Variants in TUSC3 observed in about 807,000 individuals in gnomAD.
TUSC3 encodes the protein tumor suppressor candidate 3.
In TUSC3, 45 loss-of-function variants were observed where a neutral mutation model predicts 44.8. That is an observed-to-expected ratio of 1.00 (90% CI 0.79 to 1.29). The LOEUF is 1.29. TUSC3 is among the 50% of genes most tolerant of loss of function. The probability of loss-of-function intolerance (pLI) is 0.00; values close to 1 mark genes in which losing one functional copy is unlikely to be tolerated. For synonymous variants in TUSC3, 212 were observed against 152.9 expected (o/e 1.39, Z -2.85); for missense variants, 519 against 437.9 (o/e 1.19, Z -1.65).
intron 1 of TUSC3, among the ~76,000 whole-genome samples, chr8:15,465,512 C>T (rs956035965): frequency 3.3e-5 from 5 of 152,090 alleles, no homozygotes; most frequent in South Asian, 2.1e-4. Context: ...TTAAAAAATG[C>T]AAATTGATTT....
At chr8:15,724,912 T>C (rs1810444540) in intron 6 of TUSC3, among the ~76,000 whole-genome samples, 3 of 152,270 alleles carry the variant, frequency 2.0e-5, no homozygotes, top group South Asian at 2.1e-4. Context: ...GACAAGCTCT[T>C]GGTTTATTTT....
intron 1 of TUSC3, among the ~76,000 whole-genome samples, chr8:15,584,379 C>A (rs776537654): frequency 6.6e-6 from 1 of 152,124 alleles, no homozygotes; most frequent in Non-Finnish European, 1.5e-5. Flanking sequence ...AATTGTCTTA[C>A]AATTCTCTTA....
chr8:15,491,184 T>G (rs1295925123), intron 2 of TUSC3, among the ~76,000 whole-genome samples: 1 of 151,764 alleles, frequency 6.6e-6, no homozygotes, highest in African/African-American at 2.4e-5. Flanking sequence ...TTTGTCTCAG[T>G]AGAGTGAAGG....
At chr8:15,648,571 A>G (rs927549975) in intron 2 of TUSC3, among the ~76,000 whole-genome samples, 5 of 151,670 alleles carry the variant, frequency 3.3e-5, no homozygotes, top group African/African-American at 1.2e-4. Context: ...CTAAAAATAC[A>G]AAAAATTATC....
At chr8:15,590,903 G>T (rs1018804619) in intron 1 of TUSC3, among the ~76,000 whole-genome samples, 5 of 152,044 alleles carry the variant, frequency 3.3e-5, no homozygotes, top group African/African-American at 4.8e-5. Flanking sequence ...CAAACTCCTG[G>T]ACTCAAGCAG....
chr8:15,837,347 C>T, the TUSC3 span, among the ~76,000 whole-genome samples: 3 of 152,046 alleles, frequency 2.0e-5, no homozygotes, highest in African/African-American at 4.8e-5. Context: ...TATTGTACTA[C>T]ACATTTAAAT....
At chr8:15,434,726 C>A in intron 1 of TUSC3, among the ~76,000 whole-genome samples, 1 of 151,828 alleles carries the variant, frequency 6.6e-6, no homozygotes, top group East Asian at 1.9e-4. Flanking sequence ...TGATATTCCC[C>A]TTGCTGTGTC....
intron 6 of TUSC3, among the ~76,000 whole-genome samples, chr8:15,709,862 C>T (rs1003587759): frequency 6.6e-6 from 1 of 151,896 alleles, no homozygotes; most frequent in African/African-American, 2.4e-5. Flanking sequence ...GGCTCACCTA[C>T]ATCTTTTCCT....
chr8:15,850,557 T>G, the TUSC3 span, among the ~76,000 whole-genome samples: 3 of 152,324 alleles, frequency 2.0e-5, no homozygotes, highest in East Asian at 5.8e-4. Context: ...AAATGTTCTC[T>G]CTTCTCATCT....
intron 2 of TUSC3, among the ~76,000 whole-genome samples, chr8:15,484,516 G>A (rs777705358): frequency 5.5e-4 from 84 of 152,338 alleles, no homozygotes; most frequent in South Asian, 1.7e-3. Flanking sequence ...ATTTTTGTGA[G>A]ATACATCTAA....
the TUSC3 span, among the ~76,000 whole-genome samples, chr8:15,840,269 C>T: frequency 6.6e-6 from 1 of 151,990 alleles, no homozygotes; most frequent in Admixed American, 6.6e-5. Flanking sequence ...GGAGACATGC[C>T]TAATGTAAGT....
the TUSC3 span, among the ~76,000 whole-genome samples, chr8:15,842,662 T>G: frequency 6.6e-6 from 1 of 152,170 alleles, no homozygotes; most frequent in African/African-American, 2.4e-5. Flanking sequence ...ATGTAGGAGC[T>G]AAACAGCTAC....
the TUSC3 span, among the ~76,000 whole-genome samples, chr8:15,807,867 C>T: frequency 1.3e-3 from 200 of 152,176 alleles, 5 homozygotes; most frequent in East Asian, 0.031. Context: ...TCACAGAATG[C>T]GGATGAAGGA....
Position 15,705,996 on chromosome 8 carries a change from T to C in TUSC3, c.799-24670T>C, listed in dbSNP as rs75376516. The stretch of plus-strand genomic sequence containing the variant: ...TTTTAGATTCCAGTTAAGTACTCTT[T>C]AAAGATACTCATATTATACATGGTT... On this transcript the variant is annotated intron_variant, in intron 6 of 10. Coordinates refer to ENST00000503731, the MANE Select transcript of TUSC3 (RefSeq NM_006765.4). 9.0e-4 allele frequency among the ~76,000 whole-genome samples: 137 copies of C among 152,160 alleles called. 1 individual carries two copies. The East Asian group carries it at 0.024, about 27-fold the overall frequency.
At chr8:15,470,198 C>T (rs1236283532) in intron 1 of TUSC3, among the ~76,000 whole-genome samples, 2 of 151,020 alleles carry the variant, frequency 1.3e-5, no homozygotes, top group Non-Finnish European at 2.9e-5. Flanking sequence ...TTGCTTGAGC[C>T]CAGGAGGCAG....
At chr8:15,690,402 C>T (rs566771024) in intron 6 of TUSC3, among the ~76,000 whole-genome samples, 1 of 151,674 alleles carries the variant, frequency 6.6e-6, no homozygotes, top group African/African-American at 2.4e-5. Flanking sequence ...GAATATTAGA[C>T]CTTTGTCAAA....
the TUSC3 span, among the ~76,000 whole-genome samples, chr8:15,780,068 T>A: frequency 6.6e-6 from 1 of 152,242 alleles, no homozygotes; most frequent in South Asian, 2.1e-4. Context: ...ATTCAGAAAA[T>A]GAATAATATG....
Position 15,662,192 on chromosome 8 carries a change from A to T in TUSC3, c.604A>T (p.Ile202Phe), listed in dbSNP as rs751401152. ...CAGACCACCCAACTACTCTGGTACC[A>T]TTGCTTTGGCCCTGTTAGTGTCGCT... ...VFRPPNYSGT[I>F]ALALLVSLVG... Residue 202 changes from isoleucine (I) to phenylalanine (F), a missense_variant, in exon 5 of 11, where the codon ATT becomes TTT. Coordinates refer to ENST00000503731, the MANE Select transcript of TUSC3 (RefSeq NM_006765.4). The T allele has an allele frequency of 6.2e-7, 1 of 1,612,924 alleles. No individual in the cohort carries two copies. Among genetic ancestry groups the T allele is most frequent in the Non-Finnish European group, 8.5e-7 (1 of 1,179,318 alleles).
chr8:15,640,589 C>T (rs896250847), intron 2 of TUSC3, among the ~76,000 whole-genome samples: 1 of 152,186 alleles, frequency 6.6e-6, no homozygotes, highest in Non-Finnish European at 1.5e-5. Flanking sequence ...TAAGCCTCCC[C>T]TGCCCCTAAA....
Sources: allele counts gnomAD v4.1 joint callset (sites outside exome capture counted in the v4.1 genomes callset), GRCh38; gene constraint gnomAD v4.1.1; transcripts MANE v1.5; gene names NCBI Gene and HGNC (gene_info 2026-07-23, HGNC 2026-07-21).